Variants in MECOM observed in about 807,000 individuals in gnomAD.
MECOM encodes the protein histone-lysine N-methyltransferase MECOM.
A neutral mutation model predicts 116.3 loss-of-function variants in MECOM; 13 were observed. The observed-to-expected ratio is 0.11, with a 90% CI of 0.07 to 0.18. The LOEUF is 0.18. Ranked by LOEUF, MECOM falls within the 10% of genes least tolerant of loss-of-function variation. The pLI is 1.00. For missense variants in MECOM, 1,299 were observed against 1,509.0 expected (o/e 0.86, Z 2.31); for synonymous variants, 528 against 535.2 (o/e 0.99, Z 0.19).
intron 2 of MECOM, among the ~76,000 whole-genome samples, chr3:169,194,302 C>T (rs74473821): frequency 0.076 from 11,536 of 151,760 alleles, 514 homozygotes; most frequent in South Asian, 0.2. Flanking sequence ...CATCACACAC[C>T]GGGGCCCGTT....
At chr3:169,265,320 A>C (rs2149630515) in intron 2 of MECOM, among the ~76,000 whole-genome samples, 1 of 152,304 alleles carries the variant, frequency 6.6e-6, no homozygotes, top group Non-Finnish European at 1.5e-5. Flanking sequence ...CAGAGGACCG[A>C]CCTTGCTGTG....
chr3:169,290,873 G>A (rs1714412792), intron 2 of MECOM, among the ~76,000 whole-genome samples: 1 of 152,144 alleles, frequency 6.6e-6, no homozygotes, highest in Non-Finnish European at 1.5e-5. Context: ...GGATATGGTG[G>A]TGGTTTTCAT....
At chr3:169,416,895 G>A (rs988729120) in intron 1 of MECOM, among the ~76,000 whole-genome samples, 1 of 152,272 alleles carries the variant, frequency 6.6e-6, no homozygotes, top group African/African-American at 2.4e-5. Flanking sequence ...GGGAAAACTG[G>A]CTGGCCATAT....
intron 2 of MECOM, among the ~76,000 whole-genome samples, chr3:169,238,730 A>T (rs1236259124): frequency 6.6e-6 from 1 of 152,192 alleles, no homozygotes; most frequent in Non-Finnish European, 1.5e-5. Flanking sequence ...CTTTCTCTTA[A>T]GATCTCTTAT....
chr3:169,399,718 T>C (rs566301384), intron 1 of MECOM, among the ~76,000 whole-genome samples: 1 of 152,220 alleles, frequency 6.6e-6, no homozygotes, highest in African/African-American at 2.4e-5. Context: ...CAGAAAGTTT[T>C]GTTTTATGTT....
chr3:169,484,005 T>C lies in MECOM; in HGVS notation c.38-102481A>G, dbSNP rs961245087. On this transcript the variant is annotated intron_variant, in intron 1 of 16. Transcript: ENST00000651503. ...TCAAGAGTGAACTTCAGAACTTGCT[T>C]CTTTTTTTTGCCCCCAAAACCATTG... is the stretch of plus-strand genomic sequence containing the variant. The C allele has an allele frequency of 6.9e-6, 11 of 1,591,918 alleles. No individual in the cohort carries two copies. The East Asian group carries it at 2.0e-4, about 29-fold the overall frequency.
intron 1 of MECOM, among the ~76,000 whole-genome samples, chr3:169,428,166 C>T (rs1026464130): frequency 5.9e-5 from 9 of 152,108 alleles, no homozygotes; most frequent in South Asian, 4.1e-4. Flanking sequence ...GGCAACACAG[C>T]GAGAAGAAAC....
At chr3:169,410,854 T>A (rs1178745492) in intron 1 of MECOM, among the ~76,000 whole-genome samples, 1 of 152,072 alleles carries the variant, frequency 6.6e-6, no homozygotes, top group Non-Finnish European at 1.5e-5. Context: ...CAAAACATTG[T>A]CATTATTTTA....
chr3:169,508,202 G>C (rs558345497), intron 1 of MECOM, among the ~76,000 whole-genome samples: 1 of 104,602 alleles, frequency 9.6e-6, no homozygotes, highest in Non-Finnish European at 1.9e-5. Context: ...TTTCAAACAT[G>C]GCAGAACCTG....
At chr3:169,129,101 G>A (rs1216226694) in intron 4 of MECOM, among the ~76,000 whole-genome samples, 2 of 152,228 alleles carry the variant, frequency 1.3e-5, no homozygotes, top group East Asian at 3.9e-4. Flanking sequence ...AATTCTTTTA[G>A]TCAAGTATTC....
In MECOM at chr3:169,611,901, A is replaced by G. The variant is rs1769320600; in HGVS notation, c.37+51435T>C. ...TAATATCTATGATCCTCCAGAGTCT[A>G]GAACACGGTTTCTAAATCTCAACGC... On this transcript the variant is annotated intron_variant, in intron 1 of 16. Coordinates refer to ENST00000651503, the MANE Select transcript of MECOM (RefSeq NM_004991.4). The surrounding 1 kb of genome is among the most constrained non-coding windows in gnomAD (Gnocchi z 4.1). 6.6e-6 allele frequency among the ~76,000 whole-genome samples: 1 copy of G among 152,222 alleles called. No homozygotes were observed. Among genetic ancestry groups the G allele is most frequent in the Non-Finnish European group, 1.5e-5 (1 of 68,036 alleles).
At chr3:169,447,843 C>T (rs1744909200) in intron 1 of MECOM, 1 of 152,246 alleles carries the variant, frequency 6.6e-6, no homozygotes, top group South Asian at 2.1e-4. Context: ...AAAGAAAAAG[C>T]ACAAATGTGA....
intron 1 of MECOM, among the ~76,000 whole-genome samples, chr3:169,512,823 G>T (rs1352432491): frequency 6.6e-6 from 1 of 151,680 alleles, no homozygotes; most frequent in East Asian, 1.9e-4. Flanking sequence ...TTCCTGCAGG[G>T]CCATCTCCAT....
chr3:169,597,035 C>T (rs1767226056), intron 1 of MECOM, among the ~76,000 whole-genome samples: 1 of 152,050 alleles, frequency 6.6e-6, no homozygotes, highest in African/African-American at 2.4e-5. Flanking sequence ...TGTTTCCAAG[C>T]TAGGGTATAG....
intron 16 of MECOM, 118 bp from the exon 17 acceptor site, chr3:169,085,161 G>T: frequency 7.9e-7 from 1 of 1,267,902 alleles, no homozygotes; most frequent in Non-Finnish European, 1.1e-6. Flanking sequence ...ATCCTTCATG[G>T]GTGTGTTTGG....
chr3:169,099,287 A>G (rs1319484867), intron 12 of MECOM, among the ~76,000 whole-genome samples: 1 of 152,208 alleles, frequency 6.6e-6, no homozygotes, highest in African/African-American at 2.4e-5. Context: ...AATGAACGTG[A>G]TAACATAGTT....
intron 2 of MECOM, among the ~76,000 whole-genome samples, chr3:169,178,093 T>G (rs1745437132): frequency 6.6e-6 from 1 of 152,078 alleles, no homozygotes; most frequent in Admixed American, 6.6e-5. Flanking sequence ...CTACATAGCC[T>G]TTAGCAATCA....
Position 169,637,901 on chromosome 3 carries a change from C to T in MECOM, c.37+25435G>A, listed in dbSNP as rs139438987. 6.7e-3 allele frequency among the ~76,000 whole-genome samples: 1,018 copies of T among 152,254 alleles called. 15 individuals carry two copies. Among genetic ancestry groups the T allele is most frequent in the African/African-American group, 0.024 (982 of 41,546 alleles). ...CAACTGGGGTCAAAGGAGACATAAC[C>T]TTTGAGCAAGCAATCCAGCATGAAA... is the stretch of plus-strand genomic sequence containing the variant. On this transcript the variant is annotated intron_variant, in intron 1 of 16. Transcript: ENST00000651503.
intron 1 of MECOM, among the ~76,000 whole-genome samples, chr3:169,407,927 C>A (rs972947451): frequency 1.3e-5 from 2 of 152,162 alleles, no homozygotes; most frequent in African/African-American, 4.8e-5. Flanking sequence ...AGTTTGGATC[C>A]ATCTACTTAT....
Sources: gnomAD v4.1 joint callset for allele counts (sites outside exome capture counted in the v4.1 genomes callset) on GRCh38, gnomAD v4.1.1 for gene constraint, Gnocchi (gnomAD v3.1) non-coding constraint, MANE v1.5 for transcripts, NCBI Gene and HGNC (gene_info 2026-07-23, HGNC 2026-07-21) for gene names.